Variants in DNAAF19 observed in about 807,000 individuals in gnomAD.
The protein encoded by DNAAF19 is dynein axonemal assembly factor 19, also known as coiled-coil domain containing 103.
At chr17:44,901,737 T>C in the DNAAF19 span, 2 of 1,514,152 alleles carry the variant, frequency 1.3e-6, no homozygotes, top group Admixed American at 4.0e-5. Context: ...TTTGTTTTGT[T>C]TTGTTTTTTT....
At chr17:44,905,119 A>G in the DNAAF19 span, 8 of 1,404,138 alleles carry the variant, frequency 5.7e-6, no homozygotes, top group Non-Finnish European at 6.8e-6. Flanking sequence ...TGTGTTTGTT[A>G]AATGATACCA....
At chr17:44,904,641 A>C in the DNAAF19 span, 1 of 1,550,560 alleles carries the variant, frequency 6.4e-7, no homozygotes. Context: ...TGGGTGCCCC[A>C]GGTGCCCATT....
At chr17:44,901,478 C>T in the DNAAF19 span, 3 of 1,610,886 alleles carry the variant, frequency 1.9e-6, no homozygotes, top group Admixed American at 1.7e-5. Context: ...CCCACAGACA[C>T]AGCATTAAGT....
At chr17:44,903,657 G>C in the DNAAF19 span, 3 of 1,433,458 alleles carry the variant, frequency 2.1e-6, no homozygotes, top group Non-Finnish European at 2.7e-6. Context: ...ACATCCACTG[G>C]GAATAAATTG....
At chr17:44,904,933 G>A in the DNAAF19 span, 64 of 1,550,502 alleles carry the variant, frequency 4.1e-5, no homozygotes, top group African/African-American at 1.4e-5. Flanking sequence ...ACCCAGCCTC[G>A]TTCTCAGATC....
chr17:44,904,540 G>C, the DNAAF19 span: 1 of 1,550,428 alleles, frequency 6.4e-7, no homozygotes, highest in African/African-American at 1.4e-5. Flanking sequence ...TGCTGGTTCG[G>C]AGCTGCTTAG....
the DNAAF19 span, chr17:44,902,715 G>T: frequency 6.2e-6 from 10 of 1,613,572 alleles, no homozygotes; most frequent in South Asian, 1.1e-4. Flanking sequence ...CCGTGAAGGA[G>T]GGGCTCAGCT....
At chr17:44,901,462 C>T in the DNAAF19 span, 3 of 1,596,892 alleles carry the variant, frequency 1.9e-6, no homozygotes, top group Non-Finnish European at 2.6e-6. Flanking sequence ...GTCTAGCTGC[C>T]TCACACCCAC....
the DNAAF19 span, chr17:44,904,193 C>A: frequency 6.4e-7 from 1 of 1,550,590 alleles, no homozygotes. Flanking sequence ...GGACTCAGGC[C>A]TGTACTTCTG....
At chr17:44,902,272 C>A in the DNAAF19 span, 1 of 1,511,814 alleles carries the variant, frequency 6.6e-7, no homozygotes, top group Non-Finnish European at 9.2e-7. Flanking sequence ...GAGATGAAGA[C>A]AGTAAGATGA....
chr17:44,904,658 C>A, the DNAAF19 span: 1 of 1,550,450 alleles, frequency 6.4e-7, no homozygotes, highest in Non-Finnish European at 8.7e-7. Flanking sequence ...CATTCAGTTC[C>A]ACCAGCAGAG....
chr17:44,903,259 C>T, the DNAAF19 span: 1 of 1,250,598 alleles, frequency 8.0e-7, no homozygotes, highest in Non-Finnish European at 1.0e-6. Context: ...GACATGTAAT[C>T]AACAAATGAT....
the DNAAF19 span, chr17:44,899,986 G>T: frequency 3.3e-5 from 5 of 152,342 alleles, no homozygotes; most frequent in African/African-American, 9.6e-5. Context: ...TATGGGATTG[G>T]TTGGGGACTT....
the DNAAF19 span, chr17:44,901,762 C>T: frequency 1.6e-6 from 2 of 1,243,344 alleles, no homozygotes; most frequent in South Asian, 3.1e-5. Flanking sequence ...ACACATACCT[C>T]TTCTTTATTT....
chr17:44,904,581 A>G, the DNAAF19 span: 2 of 1,550,466 alleles, frequency 1.3e-6, no homozygotes, highest in Non-Finnish European at 1.7e-6. Context: ...ACCATCCGGG[A>G]GGGCGTGCTG....
At chr17:44,903,023 A>T in the DNAAF19 span, 2 of 1,414,610 alleles carry the variant, frequency 1.4e-6, no homozygotes, top group African/African-American at 2.9e-5. Context: ...GTATCCATGG[A>T]CAGTCAAGAG....
chr17:44,903,395 A>G, the DNAAF19 span: 1 of 1,251,494 alleles, frequency 8.0e-7, no homozygotes, highest in Non-Finnish European at 1.0e-6. Flanking sequence ...CCAGATATGC[A>G]GGAGGGTGGG....
chr17:44,902,520 T>C, the DNAAF19 span: 1 of 1,614,176 alleles, frequency 6.2e-7, no homozygotes, highest in African/African-American at 1.3e-5. Context: ...TTGGACTTCT[T>C]GGGGAGCTGC....
the DNAAF19 span, chr17:44,905,109 T>C: frequency 3.4e-6 from 5 of 1,455,170 alleles, no homozygotes; most frequent in Non-Finnish European, 4.6e-6. Flanking sequence ...TGTCCTTCAA[T>C]GTGTTTGTTA....
Sources: allele counts gnomAD v4.1 joint callset, GRCh38; gene constraint gnomAD v4.1.1; transcripts MANE v1.5; gene names NCBI Gene and HGNC (gene_info 2026-07-23, HGNC 2026-07-21).